Variants in MKLN1 observed in about 807,000 individuals in gnomAD.
MKLN1 encodes muskelin.
In MKLN1, 18 loss-of-function variants were observed where a neutral mutation model predicts 99.0. The ratio of observed to expected loss-of-function variants is 0.18; its 90% CI spans 0.13 to 0.27. The LOEUF (loss-of-function observed/expected upper bound fraction) is 0.27, where lower values mean the gene tolerates loss of function less well. Among genes scored for constraint, MKLN1 ranks in the 10% least tolerant of loss-of-function variants. The pLI is 1.00. For synonymous variants in MKLN1, 288 were observed against 293.2 expected, an observed-to-expected ratio of 0.98 and a Z score of 0.18; for missense variants, 621 against 875.9, an observed-to-expected ratio of 0.71 and a Z score of 3.67.
At chr7:131,231,215 A>G (rs1391180491) in intron 3 of MKLN1, among the ~76,000 whole-genome samples, 1 of 148,976 alleles carries the variant, frequency 6.7e-6, no homozygotes, top group Non-Finnish European at 1.5e-5. Context: ...TTGTAGCGGT[A>G]CAGAGGAGGG....
At chr7:131,245,167 G>A (rs1797466735) in intron 3 of MKLN1, among the ~76,000 whole-genome samples, 1 of 152,050 alleles carries the variant, frequency 6.6e-6, no homozygotes, top group South Asian at 2.1e-4. Flanking sequence ...CTTACTTAAA[G>A]GCCTTTGTAA....
At chr7:131,316,699 A>G (rs1328058514) in intron 3 of MKLN1, among the ~76,000 whole-genome samples, 5 of 152,200 alleles carry the variant, frequency 3.3e-5, no homozygotes, top group Non-Finnish European at 5.9e-5. Flanking sequence ...CAAGGAAGCT[A>G]AGAACCTTGA....
intron 3 of MKLN1, among the ~76,000 whole-genome samples, chr7:131,268,441 T>C (rs567863440): frequency 2.6e-4 from 40 of 152,318 alleles, no homozygotes; most frequent in African/African-American, 9.4e-4. Context: ...CCCATGCAAA[T>C]ATTGTTCTTG....
chr7:131,295,026 C>T (rs979022534), intron 3 of MKLN1, among the ~76,000 whole-genome samples: 19 of 152,130 alleles, frequency 1.2e-4, no homozygotes, highest in African/African-American at 4.3e-4. Flanking sequence ...TCTCTTTCCA[C>T]AGAAAAACCT....
intron 16 of MKLN1, chr7:131,472,366 T>G (rs1284613571): frequency 6.6e-6 from 1 of 152,238 alleles, no homozygotes; most frequent in African/African-American, 2.4e-5. Context: ...CAAGACAGTT[T>G]GTTCTTAAAG....
chr7:131,348,693 G>A (rs1799631703), intron 1 of MKLN1, among the ~76,000 whole-genome samples: 1 of 152,136 alleles, frequency 6.6e-6, no homozygotes, highest in Non-Finnish European at 1.5e-5. Context: ...TTCTTATTAA[G>A]TAAGCAGATT....
intron 3 of MKLN1, among the ~76,000 whole-genome samples, chr7:131,226,077 G>A (rs930785732): frequency 7.8e-6 from 1 of 128,506 alleles, no homozygotes; most frequent in African/African-American, 2.9e-5. Flanking sequence ...ATAAAGACCA[G>A]CTGCCTAGGT....
At position 131,487,462 on chromosome 7, in the gene MKLN1, A is replaced by C; in HGVS notation, c.2087-145A>C. 1 of 786,474 alleles carries C rather than the reference A, an allele frequency of 1.3e-6. No individual in the cohort carries two copies. The highest frequency in any genetic ancestry group is 1.8e-5 in the African/African-American group (1 of 56,108). 48.7% of individuals were successfully genotyped at this position (786,474 alleles called of 1,614,324 possible). ...AGATCACACCACAGCCAGGTAGTAGAACTGGGGTCAGATCAGTAGTGTCTG... is the reference window on the plus strand; with the variant it reads ...AGATCACACCACAGCCAGGTAGTAGCACTGGGGTCAGATCAGTAGTGTCTG... On this transcript the variant is annotated intron_variant, in intron 17 of 17. Coordinates refer to ENST00000352689, the MANE Select transcript of MKLN1 (RefSeq NM_013255.5). This position sits in a 1 kb window ranked among gnomAD's most constrained non-coding sequence, Gnocchi z 4.7.
chr7:131,471,036 G>A, intron 16 of MKLN1, 92 bp downstream of exon 16: 2 of 811,482 alleles, frequency 2.5e-6, no homozygotes, highest in Admixed American at 2.8e-5. Context: ...AGTGTGTAAA[G>A]GAAAACGAAG....
chr7:131,299,879 A>G (rs1798350277), intron 3 of MKLN1, among the ~76,000 whole-genome samples: 2 of 152,220 alleles, frequency 1.3e-5, no homozygotes, highest in Admixed American at 1.3e-4. Context: ...TAAAAATAGA[A>G]TGCTATAAAC....
intron 1 of MKLN1, among the ~76,000 whole-genome samples, chr7:131,344,497 T>C (rs1799497349): frequency 6.6e-6 from 1 of 152,206 alleles, no homozygotes; most frequent in South Asian, 2.1e-4. Context: ...GTAGCTAATT[T>C]TGAGTATCAT....
chr7:131,430,680 C>G (rs569577247), intron 9 of MKLN1, among the ~76,000 whole-genome samples: 1 of 152,146 alleles, frequency 6.6e-6, no homozygotes, highest in Non-Finnish European at 1.5e-5. Context: ...CTCTCCATTC[C>G]TTTTAGCAGT....
At chr7:131,235,180 C>A (rs1024623317) in intron 3 of MKLN1, among the ~76,000 whole-genome samples, 2 of 152,064 alleles carry the variant, frequency 1.3e-5, no homozygotes, top group Admixed American at 6.6e-5. Flanking sequence ...CATTCTCTCT[C>A]TTTCACTCTA....
rs749391148 is a variant in MKLN1 at position 131,309,187 on chromosome 7, C to T, written c.-178-66237C>T. Among the ~76,000 whole-genome samples, 70 of 152,242 alleles carry T rather than the reference C, an allele frequency of 4.6e-4. 2 individuals are homozygous for T. The highest frequency in any genetic ancestry group is 3.9e-4 in the East Asian group (2 of 5,172). ...TAGACAAAGGAGAGTTAAGATGTAC[C>T]GAGGAGTTCTGAGGGTCTAACTACT... is the stretch of plus-strand genomic sequence containing the variant. On this transcript the variant is annotated intron_variant, in intron 3 of 7. Transcript: ENST00000416992.
At chr7:131,180,081 C>T (rs1342993518) in intron 2 of MKLN1, among the ~76,000 whole-genome samples, 2 of 152,108 alleles carry the variant, frequency 1.3e-5, no homozygotes, top group Non-Finnish European at 2.9e-5. Context: ...AACCTTTTTT[C>T]CATGGAAGGC....
chr7:131,384,879 T>G (rs1445992380), intron 2 of MKLN1, among the ~76,000 whole-genome samples: 1 of 152,254 alleles, frequency 6.6e-6, no homozygotes, highest in Non-Finnish European at 1.5e-5. Flanking sequence ...CTTTTTTTAT[T>G]GAGGTAAAAT....
At chr7:131,205,773 A>C (rs866575242) in intron 3 of MKLN1, among the ~76,000 whole-genome samples, 3 of 151,982 alleles carry the variant, frequency 2.0e-5, no homozygotes, top group Middle Eastern at 3.4e-3. Flanking sequence ...GAGGCCTTGC[A>C]TGTTTTCCTT....
intron 2 of MKLN1, among the ~76,000 whole-genome samples, chr7:131,179,037 T>A (rs889961008): frequency 1.3e-5 from 2 of 152,228 alleles, no homozygotes; most frequent in African/African-American, 4.8e-5. Context: ...AAGTAGGAAG[T>A]TTTCTTCTGA....
intron 4 of MKLN1, among the ~76,000 whole-genome samples, chr7:131,396,077 TA>T (rs779837046): frequency 1.3e-5 from 2 of 152,054 alleles, no homozygotes; most frequent in Non-Finnish European, 2.9e-5. Context: ...TATATATATA[TA>T]TTTTTTTCCA....
Sources: allele counts gnomAD v4.1 joint callset (sites outside exome capture counted in the v4.1 genomes callset), GRCh38; gene constraint gnomAD v4.1.1; non-coding constraint Gnocchi (gnomAD v3.1); transcripts MANE v1.5; gene names NCBI Gene and HGNC (gene_info 2026-07-23, HGNC 2026-07-21).